GRIK3: variants seen among roughly 807,000 people sequenced by gnomAD.
GRIK3 encodes the protein glutamate ionotropic receptor kainate type subunit 3.
A neutral mutation model predicts 102.5 loss-of-function variants in GRIK3; 29 were observed. The ratio of observed to expected loss-of-function variants is 0.28; its 90% CI spans 0.21 to 0.39. The LOEUF (loss-of-function observed/expected upper bound fraction) is 0.39. Ranked by LOEUF, GRIK3 falls within the 10% of genes least tolerant of loss-of-function variation. GRIK3 has a pLI of 1.00. For synonymous variants in GRIK3, 511 were observed against 504.9 expected, an observed-to-expected ratio of 1.01 and a Z score of -0.16; for missense variants, 908 against 1,252.4, an observed-to-expected ratio of 0.73 and a Z score of 4.15.
At chr1:36,810,918 G>T (rs539806410) in intron 13 of GRIK3, among the ~76,000 whole-genome samples, 1 of 152,232 alleles carries the variant, frequency 6.6e-6, no homozygotes, top group East Asian at 1.9e-4. Flanking sequence ...AGGCTTGCTT[G>T]TGGGGGGCTA....
chr1:36,925,264 A>T (rs568673765), intron 1 of GRIK3, among the ~76,000 whole-genome samples: 1 of 152,382 alleles, frequency 6.6e-6, no homozygotes, highest in East Asian at 1.9e-4. Flanking sequence ...GAATACACAC[A>T]TGTGCAGACA....
At chr1:36,956,052 G>A (rs1039776670) in intron 1 of GRIK3, among the ~76,000 whole-genome samples, 4 of 152,370 alleles carry the variant, frequency 2.6e-5, no homozygotes, top group African/African-American at 9.6e-5. Flanking sequence ...GGGGCCTGTG[G>A]GGGCTTCAGT....
Position 36,799,605 on chromosome 1 carries a change from A to ATG in GRIK3, c.*2244_*2245dup, listed in dbSNP as rs1269112513. On this transcript the variant is annotated 3_prime_UTR_variant, in exon 16 of 16. Transcript: ENST00000373091. ...CTCCATCCTATGCCATTCAGTGTAC[A>ATG]TGTGCACACACACACACCAGCATGC... 1 of 152,162 alleles carries ATG rather than the reference A, an allele frequency of 6.6e-6. No homozygotes were observed. The highest frequency in any genetic ancestry group is 1.5e-5 in the Non-Finnish European group (1 of 68,052). The allele number at this position is 152,162 out of a possible 1,614,324, so 9.4% of individuals were successfully genotyped here. A position where few individuals can be genotyped will look rare whatever the true frequency, so the allele number is the denominator to read the frequency against.
chr1:36,940,925 C>G (rs1184096225), intron 1 of GRIK3, among the ~76,000 whole-genome samples: 1 of 152,204 alleles, frequency 6.6e-6, no homozygotes, highest in African/African-American at 2.4e-5. Context: ...CCTGTGGTTC[C>G]CAATCAGACC....
intron 11 of GRIK3, among the ~76,000 whole-genome samples, chr1:36,824,472 G>C (rs1031735790): frequency 6.6e-6 from 1 of 152,194 alleles, no homozygotes; most frequent in Non-Finnish European, 1.5e-5. Context: ...TGGGGAGCAG[G>C]GACATTTCAT....
At chr1:37,001,191 A>ACAGT (rs1413776548) in intron 1 of GRIK3, among the ~76,000 whole-genome samples, 1 of 152,204 alleles carries the variant, frequency 6.6e-6, no homozygotes, top group African/African-American at 2.4e-5. Flanking sequence ...ACTCAGAAAG[A>ACAGT]CGAGCTCCCA....
intron 1 of GRIK3, among the ~76,000 whole-genome samples, chr1:37,015,556 C>G (rs954112537): frequency 2.0e-5 from 3 of 152,190 alleles, no homozygotes; most frequent in African/African-American, 7.2e-5. Context: ...CTTCTGCAGC[C>G]ACCTCCTGAC....
chr1:36,939,123 C>T (rs188380789), intron 1 of GRIK3, among the ~76,000 whole-genome samples: 10 of 152,284 alleles, frequency 6.6e-5, no homozygotes, highest in Non-Finnish European at 8.8e-5. Flanking sequence ...CTACTTGATA[C>T]GAGGCTTCTC....
At chr1:36,833,292 T>C (rs1228246073) in intron 10 of GRIK3, among the ~76,000 whole-genome samples, 1 of 152,184 alleles carries the variant, frequency 6.6e-6, no homozygotes, top group Non-Finnish European at 1.5e-5. Flanking sequence ...AGCCTGCTGC[T>C]TGTGCCCTGG....
chr1:36,888,663 C>G, intron 2 of GRIK3, among the ~76,000 whole-genome samples: 1 of 152,186 alleles, frequency 6.6e-6, no homozygotes, highest in East Asian at 1.9e-4. Context: ...ACCTGGCACA[C>G]AGTGGGCGCT....
chr1:36,829,467 TATA>T (rs1439403660), intron 10 of GRIK3, among the ~76,000 whole-genome samples: 2 of 152,118 alleles, frequency 1.3e-5, no homozygotes, highest in African/African-American at 4.8e-5. Flanking sequence ...TGGTCTTTGC[TATA>T]ATATTTATAG....
In GRIK3 at chr1:36,957,805, T is replaced by C. The variant is rs537788577; in HGVS notation, c.116-66709A>G. On this transcript the variant is annotated intron_variant, in intron 1 of 15. Coordinates refer to ENST00000373091, the MANE Select transcript of GRIK3 (RefSeq NM_000831.4). Reference sequence around the variant, plus strand: ...CTGTGCCCCGTGACTCTGTGCCCAATGAACCTATGTGTCCCGTGAGCCTGT... The same window carrying C: ...CTGTGCCCCGTGACTCTGTGCCCAACGAACCTATGTGTCCCGTGAGCCTGT... 2.2e-5 allele frequency among the ~76,000 whole-genome samples: 3 copies of C among 136,904 alleles called. No individual in the cohort carries two copies. In the East Asian group the frequency reaches 7.2e-4, roughly 33 times the overall value. The allele number at this position is 136,904 out of a possible 152,430, so 89.8% of individuals were successfully genotyped here.
rs1421884339 is a variant in GRIK3, at chr1:36,825,617, G to C, written c.1740C>G (p.Leu580=). 3.8e-6 allele frequency: 6 copies of C among 1,580,872 alleles called. No individual in the cohort carries two copies. Among genetic ancestry groups the C allele is most frequent in the Non-Finnish European group, 5.2e-6 (6 of 1,162,978 alleles). Residue 580 remains leucine, a synonymous_variant, in exon 11 of 16, where the codon CTC becomes CTG. Transcript: ENST00000373091. ...LLAYLGVSCV[L]FVIARFSPYE... is the part of the protein sequence containing the mutation. Reference sequence around the variant, plus strand: ...AATTGCCTTACCTGGCGATGACGAAGAGGACACAGCTGACCCCCAGGTAGG... The same window carrying C: ...AATTGCCTTACCTGGCGATGACGAACAGGACACAGCTGACCCCCAGGTAGG...
At chr1:36,862,996 G>A (rs1640744109) in intron 5 of GRIK3, among the ~76,000 whole-genome samples, 1 of 152,128 alleles carries the variant, frequency 6.6e-6, no homozygotes, top group East Asian at 1.9e-4. Flanking sequence ...AGCAAAGTCA[G>A]CTCACATTTA....
intron 1 of GRIK3, among the ~76,000 whole-genome samples, chr1:37,033,677 C>A (rs924526857): frequency 1.3e-5 from 2 of 151,912 alleles, no homozygotes; most frequent in Admixed American, 6.5e-5. Context: ...GCGGTTCATG[C>A]TGGCAGTCAC....
At chr1:36,832,842 T>C (rs1186341546) in intron 10 of GRIK3, among the ~76,000 whole-genome samples, 1 of 152,158 alleles carries the variant, frequency 6.6e-6, no homozygotes, top group Admixed American at 6.5e-5. Flanking sequence ...CTGACAGTTG[T>C]ATTAGCCCAG....
chr1:36,877,571 A>G (rs915394797), intron 3 of GRIK3, among the ~76,000 whole-genome samples: 2 of 152,322 alleles, frequency 1.3e-5, no homozygotes, highest in South Asian at 4.1e-4. Context: ...GAGGCTGGAC[A>G]TCAGAGACCT....
intron 3 of GRIK3, among the ~76,000 whole-genome samples, chr1:36,875,127 C>T (rs1396311781): frequency 6.6e-6 from 1 of 152,206 alleles, no homozygotes; most frequent in Non-Finnish European, 1.5e-5. Context: ...TCCAATGTTA[C>T]AGAGAAAAAT....
chr1:36,976,933 G>C (rs1642202286), intron 1 of GRIK3, among the ~76,000 whole-genome samples: 1 of 152,100 alleles, frequency 6.6e-6, no homozygotes, highest in South Asian at 2.1e-4. Flanking sequence ...TCATTTCTCT[G>C]TCCTGACCCA....
Sources: gnomAD v4.1 joint callset for allele counts (sites outside exome capture counted in the v4.1 genomes callset) on GRCh38, gnomAD v4.1.1 for gene constraint, MANE v1.5 for transcripts, NCBI Gene and HGNC (gene_info 2026-07-23, HGNC 2026-07-21) for gene names.